Variants in EGF observed in about 807,000 individuals in gnomAD.
EGF encodes pro-epidermal growth factor.
Under a neutral mutation model 143.8 loss-of-function variants are expected in EGF, and 95 were observed. The observed-to-expected ratio is 0.66, with a 90% confidence interval of 0.56 to 0.78. The LOEUF is 0.78. Among genes scored for constraint, EGF ranks in the 30% least tolerant of loss-of-function variants. The pLI, the probability that EGF is intolerant of heterozygous loss-of-function variation, is 0.00. For synonymous variants in EGF, 510 were observed against 510.5 expected (o/e 1.00, Z 0.01); for missense variants, 1,320 against 1,470.9 (o/e 0.90, Z 1.68).
At chr4:109,920,491 G>A (rs1737583636) in intron 1 of EGF, among the ~76,000 whole-genome samples, 1 of 151,524 alleles carries the variant, frequency 6.6e-6, no homozygotes. Context: ...AGAGAGGCAG[G>A]CCCTGGAATC....
At position 109,943,420 on chromosome 4, in the gene EGF, T is replaced by C; in HGVS notation, c.494T>C (p.Val165Ala). The change falls in exon 3 of 24, where the codon GTT becomes GCT. Residue 165 changes from valine to alanine, a missense_variant. Val to Ala is a moderately conservative substitution (Grantham distance 64). Coordinates refer to ENST00000265171, the MANE Select transcript of EGF (RefSeq NM_001963.6). ...SALKYPANVA[V>A]DPVERFIFWS... ...TTAAAATATCCTGCAAATGTAGCAG[T>C]TGATCCAGTAGAAAGGTAAATTCTG... 1 of 1,613,766 alleles carries C rather than the reference T, an allele frequency of 6.2e-7. No individual in the cohort carries two copies. The highest frequency in any genetic ancestry group is 8.5e-7 in the Non-Finnish European group (1 of 1,179,782).
At chr4:110,002,044 C>T (rs73841124) in intron 21 of EGF, 2 of 985,066 alleles carry the variant, frequency 2.0e-6, no homozygotes, top group East Asian at 1.1e-4. Context: ...TCAACTGTAC[C>T]AACAAATACA....
intron 1 of EGF, among the ~76,000 whole-genome samples, chr4:109,918,671 C>T (rs77009233): frequency 0.022 from 3,358 of 152,232 alleles, 43 homozygotes; most frequent in Non-Finnish European, 0.033. Context: ...TCACACCAGC[C>T]ACCACCCTGT....
Position 109,999,677 on chromosome 4 carries a change from A to G in EGF, c.3006-2A>G. 1 of 1,614,140 alleles carries G rather than the reference A, an allele frequency of 6.2e-7. No homozygotes were observed. The highest frequency in any genetic ancestry group is 8.5e-7 in the Non-Finnish European group (1 of 1,180,018). On this transcript the variant is annotated splice_acceptor_variant, in intron 20 of 23. Transcript: ENST00000265171. LOFTEE classifies it high-confidence loss of function. ...ATGACCTCTGTTTGTGTGTTGTCAC[A>G]GCTGTGTTGTTGGCTACATCGGGGA... is the stretch of plus-strand genomic sequence containing the variant.
At chr4:109,974,398 A>G (rs969202409) in intron 11 of EGF, among the ~76,000 whole-genome samples, 4 of 152,184 alleles carry the variant, frequency 2.6e-5, no homozygotes, top group Admixed American at 6.6e-5. Context: ...TTATAAAGAG[A>G]ATGTCCTCAC....
In EGF at chr4:109,963,372, A is replaced by G. The variant is rs542126113; in HGVS notation, c.1438+74A>G. On this transcript the variant is annotated intron_variant, in intron 9 of 23. Coordinates refer to ENST00000265171, the MANE Select transcript of EGF (RefSeq NM_001963.6). The stretch of plus-strand genomic sequence containing the variant: ...AAAATCTTTTGTTTAGAAAGATGGA[A>G]AGTTAACTGCTTATGGTTTTGTATT... The G allele has an allele frequency of 3.5e-5, 56 of 1,589,476 alleles. No homozygotes were observed. The South Asian group carries it at 6.1e-4, about 17-fold the overall frequency.
chr4:109,959,446 T>G lies in EGF; in HGVS notation c.1066+9T>G, dbSNP rs756200933. Reference sequence around the variant, plus strand: ...CCGGAAGTACTGTGAAGGTAATGACTGGAAGTACTGTGAAGGTAATGGAAG... The same window carrying G: ...CCGGAAGTACTGTGAAGGTAATGACGGGAAGTACTGTGAAGGTAATGGAAG... On this transcript the variant is annotated intron_variant, in intron 6 of 23. Coordinates refer to ENST00000265171, the MANE Select transcript of EGF (RefSeq NM_001963.6). 3 of 1,613,550 alleles carry G rather than the reference T, an allele frequency of 1.9e-6. No homozygotes were observed. The highest frequency in any genetic ancestry group is 1.7e-5 in the Admixed American group (1 of 59,968).
chr4:109,958,815 G>A (rs1004087639), intron 5 of EGF, among the ~76,000 whole-genome samples: 1 of 151,322 alleles, frequency 6.6e-6, no homozygotes, highest in Non-Finnish European at 1.5e-5. Context: ...CTACTTAGGA[G>A]GCCAAGGCAG....
chr4:109,987,825 T>C lies in EGF; in HGVS notation c.2573T>C (p.Leu858Ser). The C allele has an allele frequency of 6.2e-7, 1 of 1,613,928 alleles. No individual in the cohort carries two copies. The change falls in exon 17 of 24, where the codon TTG becomes TCG. Residue 858 changes from leucine to serine, a missense_variant. Transcript: ENST00000265171. ...SEGEDATCQC[L>S]KGFAGDGKLC... ...GGAGAGGATGCCACATGTCAGTGTTTGAAAGGATTTGCTGGGGATGGAAAA... is the reference window on the plus strand; with the variant it reads ...GGAGAGGATGCCACATGTCAGTGTTCGAAAGGATTTGCTGGGGATGGAAAA...
intron 22 of EGF, 122 bp downstream of exon 22, chr4:110,004,744 T>A (rs1753033415): frequency 1.6e-6 from 1 of 636,254 alleles, no homozygotes; most frequent in Non-Finnish European, 2.6e-6. Flanking sequence ...CTGGTGTCAG[T>A]GTTAGCCAAG....
At chr4:109,926,258 C>T (rs543261560) in intron 1 of EGF, among the ~76,000 whole-genome samples, 85 of 151,380 alleles carry the variant, frequency 5.6e-4, no homozygotes, top group African/African-American at 1.9e-3. Context: ...AAGGCTGAGG[C>T]GGGAGGATCT....
chr4:109,968,496 G>A (rs546983984), intron 10 of EGF, among the ~76,000 whole-genome samples: 9 of 152,080 alleles, frequency 5.9e-5, no homozygotes, highest in South Asian at 4.2e-4. Flanking sequence ...TGATGGCTAC[G>A]TCATTGACCA....
At chr4:109,919,751 G>A (rs900385262) in intron 1 of EGF, among the ~76,000 whole-genome samples, 1 of 151,464 alleles carries the variant, frequency 6.6e-6, no homozygotes, top group Non-Finnish European at 1.5e-5. Flanking sequence ...GGATGAGAGA[G>A]GTAGGCCCCG....
rs1056254565 is a variant in EGF, at chr4:110,013,697, T to G, written c.*2242T>G. 6.6e-6 allele frequency among the ~76,000 whole-genome samples: 1 copy of G among 152,106 alleles called. No homozygotes were observed. Among genetic ancestry groups the G allele is most frequent in the African/African-American group, 2.4e-5 (1 of 41,426 alleles). On this transcript the variant is annotated 3_prime_UTR_variant, in exon 24 of 24. Transcript: ENST00000265171. ...GATTGAGCTTCTGTTTGACTAAATA[T>G]CACCTACTATGTAAAAAATGAGCAT...
intron 22 of EGF, among the ~76,000 whole-genome samples, chr4:110,004,912 A>G (rs1169347743): frequency 6.6e-6 from 1 of 151,472 alleles, no homozygotes; most frequent in Non-Finnish European, 1.5e-5. Context: ...TTAGATTTGT[A>G]TGTGTTATGT....
At chr4:109,965,518 A>G (rs1327864430) in intron 10 of EGF, among the ~76,000 whole-genome samples, 4 of 152,174 alleles carry the variant, frequency 2.6e-5, no homozygotes, top group Non-Finnish European at 5.9e-5. Context: ...AAAATAATTA[A>G]TAGAAAAAAG....
intron 6 of EGF, 119 bp from the exon 7 acceptor site, chr4:109,960,748 T>G (rs1321080343): frequency 4.3e-6 from 5 of 1,160,616 alleles, no homozygotes; most frequent in Non-Finnish European, 6.3e-6. Flanking sequence ...AGACTTTCCA[T>G]GATCAATTAC....
chr4:109,934,783 T>G (rs1472791351), intron 1 of EGF, among the ~76,000 whole-genome samples: 1 of 152,192 alleles, frequency 6.6e-6, no homozygotes, highest in Non-Finnish European at 1.5e-5. Context: ...TCCATATGTC[T>G]AGCCAGTTTT....
chr4:110,009,915 G>A (rs1753789362), intron 23 of EGF, among the ~76,000 whole-genome samples: 1 of 152,106 alleles, frequency 6.6e-6, no homozygotes, highest in Admixed American at 6.6e-5. Flanking sequence ...GACTATGCCA[G>A]GGGAAAAGAA....
Sources: gnomAD v4.1 joint callset for allele counts (sites outside exome capture counted in the v4.1 genomes callset) on GRCh38, gnomAD v4.1.1 for gene constraint, MANE v1.5 for transcripts, NCBI Gene and HGNC (gene_info 2026-07-23, HGNC 2026-07-21) for gene names.